CYB561: variants seen among roughly 807,000 people sequenced by gnomAD.
The protein encoded by CYB561 is transmembrane ascorbate-dependent reductase CYB561.
CYB561 carries 11 observed loss-of-function variants against 25.3 expected under a neutral mutation model. That is an observed-to-expected ratio of 0.44 (90% CI 0.27 to 0.72). CYB561 has a LOEUF of 0.72. Ranked by LOEUF, CYB561 falls within the 30% of genes least tolerant of loss-of-function variation. The probability of loss-of-function intolerance (pLI) is 0.18; values close to 1 mark genes in which losing one functional copy is unlikely to be tolerated. For missense variants in CYB561, 295 were observed against 334.9 expected, an observed-to-expected ratio of 0.88 and a Z score of 0.93; for synonymous variants, 165 against 158.8, an observed-to-expected ratio of 1.04 and a Z score of -0.29.
chr17:63,442,516 G>C (rs572658827), intron 1 of CYB561, among the ~76,000 whole-genome samples: 7 of 152,124 alleles, frequency 4.6e-5, no homozygotes, highest in Non-Finnish European at 1.0e-4. Flanking sequence ...CTGGGACACC[G>C]GCTGTTCTTG....
chr17:63,433,490 G>C lies in CYB561; in HGVS notation c.*912C>G. The C allele has an allele frequency of 2.5e-6, 1 of 398,736 alleles. No individual in the cohort carries two copies. The highest frequency in any genetic ancestry group is 4.4e-6 in the Non-Finnish European group (1 of 226,302). The allele number at this position is 398,736 out of a possible 1,614,324, so 24.7% of individuals were successfully genotyped here. A position where few individuals can be genotyped will look rare whatever the true frequency, so the allele number is the denominator to read the frequency against. On this transcript the variant is annotated 3_prime_UTR_variant, in exon 6 of 6. Coordinates refer to ENST00000360793, the MANE Select transcript of CYB561 (RefSeq NM_001915.4). ...GGCAGCAGCTCCAGCAGCCCCAGGGGGCTCTAGCCACAGCCAGCAGCAGCG... is the reference window on the plus strand; with the variant it reads ...GGCAGCAGCTCCAGCAGCCCCAGGGCGCTCTAGCCACAGCCAGCAGCAGCG...
chr17:63,438,378 C>A, intron 1 of CYB561: 2 of 633,166 alleles, frequency 3.2e-6, no homozygotes, highest in Non-Finnish European at 5.4e-6. Context: ...CTCCCCCATC[C>A]TGGTTTTTAA....
intron 5 of CYB561, among the ~76,000 whole-genome samples, chr17:63,434,872 G>T (rs1008819185): frequency 5.2e-5 from 8 of 152,386 alleles, no homozygotes; most frequent in Admixed American, 4.6e-4. Context: ...TAAATAGGGT[G>T]CCCATAGCCC....
In CYB561 at chr17:63,437,997, G is replaced by A. The variant is rs774834946; in HGVS notation, c.-13-437C>T. 4 of 166,890 alleles carry A rather than the reference G, an allele frequency of 2.4e-5. No individual in the cohort carries two copies. The South Asian group carries it at 3.4e-4, about 14-fold the overall frequency. 10.3% of individuals were successfully genotyped at this position (166,890 alleles called of 1,614,324 possible). On this transcript the variant is annotated intron_variant, in intron 1 of 5. Coordinates refer to ENST00000360793, the MANE Select transcript of CYB561 (RefSeq NM_001915.4). ...CCCGCCACCCTCCCCCGAGGCTCCC[G>A]CTGGAAGCAGCGCTCGCTCTCCTAC...
chr17:63,433,491 G>A lies in CYB561; in HGVS notation c.*911C>T, dbSNP rs374086154. 2,261 of 398,654 alleles carry A rather than the reference G, an allele frequency of 5.7e-3. 46 individuals are homozygous for A. Among genetic ancestry groups the A allele is most frequent in the East Asian group, 0.03 (851 of 28,058 alleles). 24.7% of individuals were successfully genotyped at this position (398,654 alleles called of 1,614,324 possible). Reference sequence around the variant, plus strand: ...GCAGCAGCTCCAGCAGCCCCAGGGGGCTCTAGCCACAGCCAGCAGCAGCGG... The same window carrying A: ...GCAGCAGCTCCAGCAGCCCCAGGGGACTCTAGCCACAGCCAGCAGCAGCGG... On this transcript the variant is annotated 3_prime_UTR_variant, in exon 6 of 6. Coordinates refer to ENST00000360793, the MANE Select transcript of CYB561 (RefSeq NM_001915.4).
At position 63,436,137 on chromosome 17, in the gene CYB561, C is replaced by T; in HGVS notation, c.218G>A (p.Arg73His). The T allele has an allele frequency of 2.5e-6, 4 of 1,614,042 alleles. No homozygotes were observed. Among genetic ancestry groups the T allele is most frequent in the Non-Finnish European group, 2.5e-6 (3 of 1,179,950 alleles). Residue 73 changes from arginine to histidine, a missense_variant, in exon 3 of 6, where the codon CGT becomes CAT. Arg to His is a conservative substitution (Grantham distance 29). Coordinates refer to ENST00000360793, the MANE Select transcript of CYB561 (RefSeq NM_001915.4). This position sits in a 1 kb window ranked among gnomAD's most constrained non-coding sequence, Gnocchi z 4.8. Reference protein sequence around the residue: ...FLQGNALLVYRVFRNEAKRTT... With the variant: ...FLQGNALLVYHVFRNEAKRTT... ...GCGTTTAGCTTCGTTCCTGAAGACA[C>T]GGTAAACCAGCAGGGCTGTGGGAGG...
intron 1 of CYB561, chr17:63,438,157 G>A (rs919671290): frequency 1.0e-5 from 16 of 1,535,532 alleles, no homozygotes; most frequent in South Asian, 2.4e-5. Context: ...TATGCGGTGA[G>A]GGTGCAAGGA....
At chr17:63,443,601 G>C (rs1460192314) in intron 1 of CYB561, among the ~76,000 whole-genome samples, 1 of 152,134 alleles carries the variant, frequency 6.6e-6, no homozygotes, top group Non-Finnish European at 1.5e-5. Flanking sequence ...GGAAAATGTT[G>C]CAATTTTTTA....
At chr17:63,445,109 G>A (rs921485558) in intron 1 of CYB561, among the ~76,000 whole-genome samples, 1 of 152,102 alleles carries the variant, frequency 6.6e-6, no homozygotes, top group African/African-American at 2.4e-5. Flanking sequence ...CCGGAAGATG[G>A]AGGTTGCAGT....
chr17:63,440,056 G>A (rs772196794), intron 1 of CYB561: 269 of 398,374 alleles, frequency 6.8e-4, no homozygotes, highest in Non-Finnish European at 1.1e-3. Context: ...CGGGATTCCA[G>A]AAGCCCCAGC....
At chr17:63,446,639 G>T (rs1025037980), upstream of CYB561, among the ~76,000 whole-genome samples, 25 of 152,284 alleles carry the variant, frequency 1.6e-4, no homozygotes, top group Middle Eastern at 3.4e-3. Context: ...GACTGCGCAC[G>T]GAAGGACCTG....
At position 63,434,573 on chromosome 17, in the gene CYB561, C is replaced by G. The variant is rs746401359; in HGVS notation, c.585G>C (p.Glu195Asp). ...FNLGGKYSAF[E>D]PEGVLANVLG... ...GCACGTTGGCCAGGACACCCTCGGG[C>G]TCAAATGCGCTATACTTGCCCCTGC... Residue 195 changes from glutamate (E) to aspartate (D), a missense_variant, in exon 6 of 6, where the codon GAG (glutamate) becomes GAC (aspartate). Glu to Asp is a conservative substitution (Grantham distance 45). Transcript: ENST00000360793. The G allele has an allele frequency of 6.6e-5, 107 of 1,610,956 alleles. No individual in the cohort carries two copies. Among genetic ancestry groups the G allele is most frequent in the Non-Finnish European group, 8.8e-5 (104 of 1,179,910 alleles).
Position 63,434,469 on chromosome 17 carries a change from G to C in CYB561, c.689C>G (p.Ala230Gly). 6.2e-7 allele frequency: 1 copy of C among 1,608,512 alleles called. No individual in the cohort carries two copies. The highest frequency in any genetic ancestry group is 8.5e-7 in the Non-Finnish European group (1 of 1,177,610). Residue 230 changes from alanine to glycine, a missense_variant, in exon 6 of 6, where the codon GCG (alanine) becomes GGG (glycine). By Grantham distance (60) the Ala-to-Gly change is moderately conservative. Transcript: ENST00000360793. ...TRADWKRPSQ[A>G]EEQALSMDFK... Reference sequence around the variant, plus strand: ...GTCCATGGAGAGGGCCTGCTCTTCCGCCTGGGAAGGCCGCTTCCAGTCGGC... The same window carrying C: ...GTCCATGGAGAGGGCCTGCTCTTCCCCCTGGGAAGGCCGCTTCCAGTCGGC...
In CYB561 at chr17:63,435,954, C is replaced by G. The variant is rs559464065; in HGVS notation, c.301+100G>C. The G allele has an allele frequency of 2.2e-3, 3,570 of 1,601,706 alleles. 10 individuals are homozygous for G. The highest frequency in any genetic ancestry group is 3.5e-3 in the Admixed American group (208 of 59,508). On this transcript the variant is annotated intron_variant, in intron 3 of 5. Transcript: ENST00000360793. ...GGGGATGTTTGGGGTGGGGGCGGGC[C>G]CATCACAGCTCTGGGGAGGGAACAG... is the stretch of plus-strand genomic sequence containing the variant.
intron 1 of CYB561, chr17:63,438,283 G>A: frequency 4.3e-6 from 6 of 1,393,088 alleles, no homozygotes; most frequent in African/African-American, 2.9e-5. Flanking sequence ...AGGCAAGCGC[G>A]CTCCTTGACG....
In CYB561 at chr17:63,437,410, G is replaced by A. The variant is rs749104499; in HGVS notation, c.138C>T (p.Ser46=). ...GGGGGTGCGCGTTGAACTGCAGGTC[G>A]CTCTCCCAGGCAATGCCGCCTCGGT... The part of the protein sequence containing the change: ...GLYRGGIAWE[S]DLQFNAHPLC... The change falls in exon 2 of 6, where the codon AGC becomes AGT. Residue 46 remains serine (S), a synonymous_variant. Coordinates refer to ENST00000360793, the MANE Select transcript of CYB561 (RefSeq NM_001915.4). 6.2e-7 allele frequency: 1 copy of A among 1,614,034 alleles called. No individual in the cohort carries two copies. Among genetic ancestry groups the A allele is most frequent in the South Asian group, 1.1e-5 (1 of 91,078 alleles).
Position 63,432,484 on chromosome 17 carries a change from A to G in CYB561, c.*1918T>C, listed in dbSNP as rs2049234862. The G allele has an allele frequency of 6.6e-6, 1 of 152,198 alleles. No individual in the cohort carries two copies. Among genetic ancestry groups the G allele is most frequent in the Non-Finnish European group, 1.5e-5 (1 of 68,042 alleles). 9.4% of individuals were successfully genotyped at this position (152,198 alleles called of 1,614,324 possible). ...GACCAGTTTACAGACTTTTGTTGCA[A>G]ATCTAAGGTTCCATTTCTCTCTGTA... On this transcript the variant is annotated 3_prime_UTR_variant, in exon 6 of 6. Transcript: ENST00000360793.
rs190172794 is a variant in CYB561 at position 63,440,063 on chromosome 17, C to T, written c.-13-2503G>A. The T allele has an allele frequency of 5.3e-4, 212 of 398,552 alleles. 2 individuals carry two copies. The highest frequency in any genetic ancestry group is 4.0e-3 in the African/African-American group (196 of 48,728). 24.7% of individuals were successfully genotyped at this position (398,552 alleles called of 1,614,324 possible). On this transcript the variant is annotated intron_variant, in intron 1 of 5. Transcript: ENST00000360793. ...CGGGAATACGGGATTCCAGAAGCCC[C>T]AGCCAACAATAAATCCTATTTTTGG...
intron 1 of CYB561, among the ~76,000 whole-genome samples, chr17:63,441,484 C>A (rs2049374900): frequency 6.6e-6 from 1 of 152,264 alleles, no homozygotes; most frequent in Non-Finnish European, 1.5e-5. Flanking sequence ...TAGGGCCACA[C>A]AGAGGGGGCC....
Sources: gnomAD v4.1 joint callset for allele counts (sites outside exome capture counted in the v4.1 genomes callset) on GRCh38, gnomAD v4.1.1 for gene constraint, Gnocchi (gnomAD v3.1) non-coding constraint, MANE v1.5 for transcripts, NCBI Gene and HGNC (gene_info 2026-07-23, HGNC 2026-07-21) for gene names.